MYO9A: variants seen among roughly 807,000 people sequenced by gnomAD.
MYO9A encodes myosin IXA.
In MYO9A, 103 loss-of-function variants were observed where a neutral mutation model predicts 293.3. The observed-to-expected ratio is 0.35, with a 90% CI of 0.30 to 0.41. The LOEUF is 0.41. MYO9A is among the 10% of genes least tolerant of loss of function. MYO9A has a pLI of 1.00. For synonymous variants in MYO9A, 1,001 were observed against 1,035.7 expected, an observed-to-expected ratio of 0.97 and a Z score of 0.64; for missense variants, 2,685 against 3,033.0, an observed-to-expected ratio of 0.89 and a Z score of 2.69.
chr15:72,028,963 C>T (rs1378197013), intron 3 of MYO9A, among the ~76,000 whole-genome samples: 1 of 152,194 alleles, frequency 6.6e-6, no homozygotes, highest in African/African-American at 2.4e-5. Flanking sequence ...GATAATCTAG[C>T]AGCTATCATA....
At chr15:71,928,693 T>C (rs1473485563) in intron 18 of MYO9A, among the ~76,000 whole-genome samples, 2 of 152,122 alleles carry the variant, frequency 1.3e-5, no homozygotes, top group East Asian at 3.9e-4. Context: ...TTTATATTTT[T>C]TGATGCTATT....
intron 4 of MYO9A, among the ~76,000 whole-genome samples, chr15:72,021,768 A>G (rs1216238992): frequency 6.6e-6 from 1 of 152,168 alleles, no homozygotes; most frequent in Non-Finnish European, 1.5e-5. Flanking sequence ...CCTCCAGTAA[A>G]TGTCCTGGGA....
intron 40 of MYO9A, 99 bp from the exon 41 acceptor site, chr15:71,828,125 A>T (rs2054584304): frequency 2.9e-6 from 4 of 1,373,856 alleles, no homozygotes; most frequent in Non-Finnish European, 4.0e-6. Context: ...TCTAAGAAGC[A>T]AAGAGAGTCC....
intron 19 of MYO9A, 149 bp downstream of exon 19, chr15:71,916,219 TGG>T: frequency 1.2e-6 from 1 of 856,294 alleles, no homozygotes. Flanking sequence ...TTTTCATCTT[TGG>T]TTCTTTTTTC....
intron 1 of MYO9A, among the ~76,000 whole-genome samples, chr15:72,054,854 C>T (rs1276736933): frequency 6.8e-6 from 1 of 146,510 alleles, no homozygotes; most frequent in Non-Finnish European, 1.5e-5. Context: ...GTAAGCAAGA[C>T]TAAATGAGAT....
chr15:72,019,181 T>A (rs1408754626), intron 5 of MYO9A, 86 bp from the exon 6 acceptor site: 14 of 1,088,164 alleles, frequency 1.3e-5, no homozygotes, highest in Non-Finnish European at 2.0e-5. Context: ...CAAGTAGTAC[T>A]GCTGCTCTCC....
At chr15:72,101,415 G>C (rs1476180546) in intron 1 of MYO9A, among the ~76,000 whole-genome samples, 1 of 140,790 alleles carries the variant, frequency 7.1e-6, no homozygotes, top group Admixed American at 6.9e-5. Context: ...CCCCTACTGG[G>C]AAGTGAGGAG....
chr15:71,837,791 T>A (rs918892882), intron 39 of MYO9A, among the ~76,000 whole-genome samples: 1 of 152,126 alleles, frequency 6.6e-6, no homozygotes, highest in African/African-American at 2.4e-5. Flanking sequence ...CATGAGAAAA[T>A]ACTAATATTG....
chr15:71,861,691 A>AAAAAAAAAAAC (rs1567206727), intron 33 of MYO9A, among the ~76,000 whole-genome samples: 8 of 148,400 alleles, frequency 5.4e-5, no homozygotes, highest in Non-Finnish European at 1.2e-4. Flanking sequence ...AAAAAAAAAA[A>AAAAAAAAAAAC]AAAAAAAAAA....
intron 12 of MYO9A, among the ~76,000 whole-genome samples, chr15:71,970,905 T>A (rs1010679765): frequency 2.0e-5 from 3 of 151,930 alleles, no homozygotes; most frequent in Non-Finnish European, 4.4e-5. Flanking sequence ...ACACCTGTAA[T>A]CCCAGCAATT....
At chr15:72,036,184 T>C (rs62025613) in intron 2 of MYO9A, among the ~76,000 whole-genome samples, 9,658 of 152,238 alleles carry the variant, frequency 0.063, 339 homozygotes, top group Middle Eastern at 0.085. Flanking sequence ...TATTAAAACA[T>C]GGATCTATAT....
At chr15:71,965,697 CCACTT>C (rs1440925602) in intron 13 of MYO9A, among the ~76,000 whole-genome samples, 1 of 152,210 alleles carries the variant, frequency 6.6e-6, no homozygotes, top group African/African-American at 2.4e-5. Flanking sequence ...CGAGATCACA[CCACTT>C]CACTTCAGCC....
At chr15:72,079,896 G>A (rs1323492888) in intron 1 of MYO9A, among the ~76,000 whole-genome samples, 1 of 152,062 alleles carries the variant, frequency 6.6e-6, no homozygotes, top group African/African-American at 2.4e-5. Flanking sequence ...AAGTATTTCT[G>A]CACCTGTATT....
intron 18 of MYO9A, among the ~76,000 whole-genome samples, chr15:71,927,555 G>A (rs570346421): frequency 3.9e-5 from 6 of 152,162 alleles, no homozygotes; most frequent in African/African-American, 7.2e-5. Context: ...TCCCATGGCC[G>A]GCCCTGCAGA....
At chr15:71,963,715 G>A (rs1280351592) in intron 13 of MYO9A, among the ~76,000 whole-genome samples, 1 of 152,216 alleles carries the variant, frequency 6.6e-6, no homozygotes, top group Non-Finnish European at 1.5e-5. Flanking sequence ...GCCTCCCAAA[G>A]TGCTGGGATT....
chr15:71,931,824 T>C (rs974250375), intron 18 of MYO9A, among the ~76,000 whole-genome samples: 3 of 152,224 alleles, frequency 2.0e-5, no homozygotes, highest in South Asian at 2.1e-4. Flanking sequence ...TCTCCCAATC[T>C]TGTTTAGTGT....
chr15:72,103,536 AAGC>A (rs1177888462), intron 1 of MYO9A, among the ~76,000 whole-genome samples: 1 of 151,590 alleles, frequency 6.6e-6, no homozygotes, highest in South Asian at 2.2e-4. Context: ...GTGGAAGCAG[AAGC>A]AGCAGAAGCA....
chr15:72,029,685 G>C (rs2077801006), intron 3 of MYO9A, among the ~76,000 whole-genome samples: 1 of 152,150 alleles, frequency 6.6e-6, no homozygotes, highest in African/African-American at 2.4e-5. Flanking sequence ...TATCCTGAAA[G>C]TAATGAGGAA....
At chr15:72,079,095 G>C (rs999381627) in intron 1 of MYO9A, among the ~76,000 whole-genome samples, 6 of 152,170 alleles carry the variant, frequency 3.9e-5, no homozygotes, top group Admixed American at 3.9e-4. Context: ...CACAGAGAGT[G>C]AACCCTAAAC....
Sources: gnomAD v4.1 joint callset for allele counts (sites outside exome capture counted in the v4.1 genomes callset) on GRCh38, gnomAD v4.1.1 for gene constraint, MANE v1.5 for transcripts, NCBI Gene and HGNC (gene_info 2026-07-23, HGNC 2026-07-21) for gene names.